MEF2A: variants seen among roughly 807,000 people sequenced by gnomAD.
MEF2A encodes the protein myocyte-specific enhancer factor 2A.
A neutral mutation model predicts 55.8 loss-of-function variants in MEF2A; 28 were observed. That is an observed-to-expected ratio of 0.50 (90% confidence interval 0.37 to 0.69). The LOEUF (loss-of-function observed/expected upper bound fraction) is 0.69. Ranked by LOEUF, MEF2A falls within the 30% of genes least tolerant of loss-of-function variation. The probability of loss-of-function intolerance (pLI) is 0.00; values close to 1 mark genes in which losing one functional copy is unlikely to be tolerated. For synonymous variants in MEF2A, 239 were observed against 227.1 expected, an observed-to-expected ratio of 1.05 and a Z score of -0.47; for missense variants, 528 against 626.2, an observed-to-expected ratio of 0.84 and a Z score of 1.67.
intron 2 of MEF2A, among the ~76,000 whole-genome samples, chr15:99,621,949 A>G (rs535747542): frequency 3.9e-5 from 6 of 152,260 alleles, no homozygotes; most frequent in South Asian, 2.1e-4. Flanking sequence ...ATAAGGACTC[A>G]GTTTAAAAAG....
chr15:99,709,626 CTT>C (rs1229059522), intron 10 of MEF2A, among the ~76,000 whole-genome samples: 1 of 152,216 alleles, frequency 6.6e-6, no homozygotes, highest in Non-Finnish European at 1.5e-5. Context: ...AAACACCTCT[CTT>C]GAGACATGAG....
At chr15:99,599,165 A>G (rs1038921594) in intron 2 of MEF2A, among the ~76,000 whole-genome samples, 2 of 152,158 alleles carry the variant, frequency 1.3e-5, no homozygotes, top group Non-Finnish European at 2.9e-5. Context: ...GTAGTCCTCA[A>G]AAGTTTTCAT....
At chr15:99,687,410 G>C (rs768025267) in intron 7 of MEF2A, among the ~76,000 whole-genome samples, 3 of 151,964 alleles carry the variant, frequency 2.0e-5, no homozygotes, top group Admixed American at 2.0e-4. Flanking sequence ...CTTATTTTTC[G>C]TGAATTCTGA....
At chr15:99,565,586 C>G (rs1203865005), upstream of MEF2A, 1 of 151,826 alleles carries the variant, frequency 6.6e-6, no homozygotes, top group Non-Finnish European at 1.5e-5. Flanking sequence ...GTATCCCTTC[C>G]AGGGGAACAC....
At chr15:99,629,971 G>GA (rs1280745776) in intron 2 of MEF2A, among the ~76,000 whole-genome samples, 1 of 151,348 alleles carries the variant, frequency 6.6e-6, no homozygotes, top group Admixed American at 6.6e-5. Flanking sequence ...GGGGGTGGGG[G>GA]ACCTCCTTCT....
intron 2 of MEF2A, among the ~76,000 whole-genome samples, chr15:99,624,850 T>C (rs1325298941): frequency 6.6e-6 from 1 of 152,216 alleles, no homozygotes; most frequent in Non-Finnish European, 1.5e-5. Context: ...CAGTGTTTTT[T>C]AGTTTTTAGT....
In MEF2A at chr15:99,569,180, T is replaced by A. The variant is rs115044536; in HGVS notation, c.-225+3076T>A. On this transcript the variant is annotated intron_variant, in intron 1 of 11. Coordinates refer to ENST00000557942, the MANE Select transcript of MEF2A (RefSeq NM_001319206.4). ...CTGCTGACAGAGTTGAGATATCTCC[T>A]GTAAAATGAGATAGAATTACACTAC... 8.4e-3 allele frequency among the ~76,000 whole-genome samples: 1,273 copies of A among 152,334 alleles called. 18 individuals carry two copies. The highest frequency in any genetic ancestry group is 0.028 in the African/African-American group (1,156 of 41,582).
chr15:99,570,578 G>A lies in MEF2A; in HGVS notation c.-225+4474G>A, dbSNP rs548594504. 7.4e-4 allele frequency among the ~76,000 whole-genome samples: 113 copies of A among 152,278 alleles called. 1 individual carries two copies. The South Asian group carries it at 0.023, about 31-fold the overall frequency. ...CAGCAGCATGCATGTGCAGGTTGAC[G>A]TGGATTCATTTGAGGCATGATTTGT... On this transcript the variant is annotated intron_variant, in intron 1 of 11. Coordinates refer to ENST00000557942, the MANE Select transcript of MEF2A (RefSeq NM_001319206.4).
At chr15:99,690,696 C>G (rs2153719090) in intron 8 of MEF2A, 1 of 561,522 alleles carries the variant, frequency 1.8e-6, no homozygotes, top group East Asian at 4.2e-5. Flanking sequence ...GTGAAATAAG[C>G]CAGGCATAGA....
chr15:99,630,893 G>A (rs1247841404), intron 2 of MEF2A, among the ~76,000 whole-genome samples: 1 of 152,104 alleles, frequency 6.6e-6, no homozygotes, highest in African/African-American at 2.4e-5. Flanking sequence ...AGTTTTGTAT[G>A]TCCGCCCACA....
chr15:99,689,160 G>A (rs1422255735), intron 7 of MEF2A, among the ~76,000 whole-genome samples: 1 of 152,080 alleles, frequency 6.6e-6, no homozygotes, highest in African/African-American at 2.4e-5. Flanking sequence ...GTTCTGTTAG[G>A]GAAAGTTTAG....
chr15:99,649,102 CTT>C (rs1049824159), intron 4 of MEF2A, among the ~76,000 whole-genome samples: 2 of 151,780 alleles, frequency 1.3e-5, no homozygotes, highest in East Asian at 1.9e-4. Flanking sequence ...ATTTTTTAAA[CTT>C]TGGTTAGAGT....
chr15:99,576,534 T>C (rs1050986667), intron 1 of MEF2A, among the ~76,000 whole-genome samples: 2 of 152,194 alleles, frequency 1.3e-5, no homozygotes, highest in African/African-American at 4.8e-5. Flanking sequence ...GTATTTGTTA[T>C]AATATTTTAG....
chr15:99,644,186 T>C (rs937532517), intron 3 of MEF2A, among the ~76,000 whole-genome samples: 1 of 152,232 alleles, frequency 6.6e-6, no homozygotes, highest in Non-Finnish European at 1.5e-5. Flanking sequence ...AGATTAGATC[T>C]ACATAAAATT....
rs1023164064 is a variant in MEF2A, at chr15:99,713,874, C to T, written c.*1103C>T. The T allele has an allele frequency of 1.3e-5, 2 of 152,100 alleles. No individual in the cohort carries two copies. Among genetic ancestry groups the T allele is most frequent in the African/African-American group, 2.4e-5 (1 of 41,408 alleles). 9.4% of individuals were successfully genotyped at this position (152,100 alleles called of 1,614,324 possible). A position where few individuals can be genotyped will look rare whatever the true frequency, so the allele number is the denominator to read the frequency against. On this transcript the variant is annotated 3_prime_UTR_variant, in exon 12 of 12. Transcript: ENST00000557942. ...GTATATAGCATCTTAAATATATTAT[C>T]ACCTTTGATGTAAGTACCTATGTAT...
At chr15:99,691,717 A>G (rs1039489293) in intron 8 of MEF2A, among the ~76,000 whole-genome samples, 5 of 152,132 alleles carry the variant, frequency 3.3e-5, no homozygotes, top group Admixed American at 2.0e-4. Context: ...AAAAGAAAAA[A>G]TTCTGCATAC....
chr15:99,616,622 T>C (rs575519631), intron 2 of MEF2A, among the ~76,000 whole-genome samples: 1 of 152,276 alleles, frequency 6.6e-6, no homozygotes, highest in African/African-American at 2.4e-5. Flanking sequence ...TTTGGAATAC[T>C]CTGTTTTCAG....
chr15:99,702,885 G>A (rs2057581997), intron 8 of MEF2A, among the ~76,000 whole-genome samples: 1 of 152,114 alleles, frequency 6.6e-6, no homozygotes, highest in African/African-American at 2.4e-5. Flanking sequence ...TAGCTCCTGC[G>A]GGAAATAAAA....
intron 1 of MEF2A, among the ~76,000 whole-genome samples, chr15:99,591,870 A>G (rs1289675015): frequency 3.9e-5 from 6 of 152,140 alleles, no homozygotes; most frequent in Non-Finnish European, 2.9e-5. Flanking sequence ...CCTTTAAAAA[A>G]ATCGTTTAAT....
Sources: gnomAD v4.1 joint callset for allele counts (sites outside exome capture counted in the v4.1 genomes callset) on GRCh38, gnomAD v4.1.1 for gene constraint, MANE v1.5 for transcripts, NCBI Gene and HGNC (gene_info 2026-07-23, HGNC 2026-07-21) for gene names.